SDK1: variants seen among roughly 807,000 people sequenced by gnomAD.
SDK1 encodes the protein protein sidekick-1.
Under a neutral mutation model 245.5 loss-of-function variants are expected in SDK1, and 157 were observed. The observed-to-expected ratio is 0.64, with a 90% CI of 0.56 to 0.73. The LOEUF is 0.73. Among genes scored for constraint, SDK1 ranks in the 30% least tolerant of loss-of-function variants. The pLI is 0.00. For missense variants in SDK1, 3,583 were observed against 3,002.3 expected, an observed-to-expected ratio of 1.19 and a Z score of -4.52; for synonymous variants, 1,647 against 1,278.5, an observed-to-expected ratio of 1.29 and a Z score of -6.15.
At chr7:3,327,934 C>T (rs949105594) in intron 1 of SDK1, among the ~76,000 whole-genome samples, 12 of 152,140 alleles carry the variant, frequency 7.9e-5, no homozygotes, top group Admixed American at 2.6e-4. Flanking sequence ...GAATTATATG[C>T]GGTGTATTTT....
chr7:3,343,406 G>T (rs1050632642), intron 1 of SDK1, among the ~76,000 whole-genome samples: 1 of 152,150 alleles, frequency 6.6e-6, no homozygotes, highest in Non-Finnish European at 1.5e-5. Context: ...ATTCTAAAAG[G>T]TTATATGTTG....
At chr7:3,853,827 A>C (rs184536606) in intron 5 of SDK1, among the ~76,000 whole-genome samples, 3 of 152,180 alleles carry the variant, frequency 2.0e-5, no homozygotes, top group Admixed American at 1.3e-4. Context: ...CCTCTCTACT[A>C]AAAATACAAA....
At chr7:4,125,354 T>C (rs1784324968) in intron 25 of SDK1, among the ~76,000 whole-genome samples, 1 of 149,870 alleles carries the variant, frequency 6.7e-6, no homozygotes, top group South Asian at 2.1e-4. Flanking sequence ...GATGGATGGA[T>C]GGATGGATGG....
At chr7:4,006,821 C>T (rs2128146953) in intron 14 of SDK1, among the ~76,000 whole-genome samples, 1 of 152,268 alleles carries the variant, frequency 6.6e-6, no homozygotes, top group East Asian at 1.9e-4. Context: ...AGACTCTGAA[C>T]CCTGAGGCTG....
chr7:3,994,859 C>T (rs1784585087), intron 14 of SDK1, among the ~76,000 whole-genome samples: 1 of 152,120 alleles, frequency 6.6e-6, no homozygotes, highest in South Asian at 2.1e-4. Flanking sequence ...TCCATCCTCC[C>T]TTGAGCCACC....
In SDK1 at chr7:4,012,111, G is replaced by A. The variant is rs1786020755; in HGVS notation, c.2296G>A (p.Glu766Lys). The change falls in exon 16 of 45, where the codon GAA becomes AAA. Residue 766 changes from glutamate to lysine, a missense_variant. Coordinates refer to ENST00000404826, the MANE Select transcript of SDK1 (RefSeq NM_152744.4). ...TATTTATAGGTTGATGCTACCTGAAGAACCACCCAGTGCTCCCCCGAAAAA... is the reference window on the plus strand; with the variant it reads ...TATTTATAGGTTGATGCTACCTGAAAAACCACCCAGTGCTCCCCCGAAAAA... ...AETSRLMLPE[E>K]PPSAPPKNIV... 6.4e-7 allele frequency: 1 copy of A among 1,558,780 alleles called. No homozygotes were observed. The highest frequency in any genetic ancestry group is 8.7e-7 in the Non-Finnish European group (1 of 1,153,794).
intron 1 of SDK1, among the ~76,000 whole-genome samples, chr7:3,482,416 T>C (rs989640581): frequency 6.6e-6 from 1 of 152,068 alleles, no homozygotes; most frequent in Non-Finnish European, 1.5e-5. Flanking sequence ...AGATAGGCAA[T>C]AAAGCCCATG....
intron 20 of SDK1, among the ~76,000 whole-genome samples, chr7:4,069,148 C>G (rs976957987): frequency 6.6e-6 from 1 of 152,212 alleles, no homozygotes; most frequent in African/African-American, 2.4e-5. Flanking sequence ...GGGCAGGGCC[C>G]CCTGTTCTAC....
chr7:3,603,995 C>T (rs1240476377), intron 1 of SDK1, among the ~76,000 whole-genome samples: 10 of 152,202 alleles, frequency 6.6e-5, no homozygotes, highest in African/African-American at 9.6e-5. Context: ...TATTGATTTG[C>T]GTATGTTGAA....
chr7:3,665,876 G>C (rs369721077), intron 4 of SDK1, among the ~76,000 whole-genome samples: 1 of 152,108 alleles, frequency 6.6e-6, no homozygotes, highest in African/African-American at 2.4e-5. Context: ...TTGACTTAGT[G>C]ATGAAGATGT....
intron 1 of SDK1, among the ~76,000 whole-genome samples, chr7:3,592,983 A>G (rs1419262484): frequency 6.6e-6 from 1 of 152,180 alleles, no homozygotes; most frequent in Admixed American, 6.5e-5. Flanking sequence ...CTAGGACAAG[A>G]TTACCCATCT....
intron 35 of SDK1, among the ~76,000 whole-genome samples, chr7:4,193,097 TATA>T (rs1346198943): frequency 7.3e-6 from 1 of 136,204 alleles, no homozygotes; most frequent in Non-Finnish European, 1.5e-5. Context: ...CAAATGTATA[TATA>T]ATATAAATAT....
intron 22 of SDK1, among the ~76,000 whole-genome samples, chr7:4,096,839 C>T (rs1782178506): frequency 1.3e-5 from 2 of 152,064 alleles, no homozygotes; most frequent in African/African-American, 4.8e-5. Context: ...ACTGAAACCC[C>T]CACGGGGGTC....
intron 20 of SDK1, among the ~76,000 whole-genome samples, chr7:4,075,587 C>T (rs1314945256): frequency 6.6e-6 from 1 of 152,004 alleles, no homozygotes; most frequent in Non-Finnish European, 1.5e-5. Flanking sequence ...CTTTTAAGTG[C>T]TCTCTGATCA....
At chr7:4,255,589 C>T (rs1209810805) in intron 44 of SDK1, among the ~76,000 whole-genome samples, 5 of 152,128 alleles carry the variant, frequency 3.3e-5, no homozygotes, top group Admixed American at 1.3e-4. Context: ...AGGCTGGATG[C>T]GGGACAGGAG....
intron 22 of SDK1, among the ~76,000 whole-genome samples, chr7:4,099,029 C>A (rs780086161): frequency 1.3e-5 from 2 of 151,750 alleles, no homozygotes; most frequent in Non-Finnish European, 1.5e-5. Flanking sequence ...TTGTAATGAT[C>A]TATGGCCAGG....
At chr7:3,356,834 G>A (rs1028850342) in intron 1 of SDK1, among the ~76,000 whole-genome samples, 2 of 151,970 alleles carry the variant, frequency 1.3e-5, no homozygotes, top group Non-Finnish European at 1.5e-5. Context: ...GAGGCCAGTG[G>A]ATCACGAGGT....
intron 4 of SDK1, among the ~76,000 whole-genome samples, chr7:3,702,108 A>G (rs1280602115): frequency 1.3e-5 from 2 of 152,162 alleles, no homozygotes; most frequent in Non-Finnish European, 2.9e-5. Flanking sequence ...GACACCAGAG[A>G]CACAGTCCAT....
chr7:3,717,936 C>G (rs1052558374), intron 4 of SDK1, among the ~76,000 whole-genome samples: 18 of 151,328 alleles, frequency 1.2e-4, no homozygotes, highest in African/African-American at 4.1e-4. Flanking sequence ...ATTCTGATAC[C>G]TGGAACAGCC....
Sources: gnomAD v4.1 joint callset for allele counts (sites outside exome capture counted in the v4.1 genomes callset) on GRCh38, gnomAD v4.1.1 for gene constraint, MANE v1.5 for transcripts, NCBI Gene and HGNC (gene_info 2026-07-23, HGNC 2026-07-21) for gene names.